EPM2A: variants seen among roughly 807,000 people sequenced by gnomAD.
EPM2A encodes EPM2A glucan phosphatase, laforin.
In EPM2A, 21 loss-of-function variants were observed where a neutral mutation model predicts 26.5. The ratio of observed to expected loss-of-function variants is 0.79; its 90% CI spans 0.56 to 1.14. EPM2A has a LOEUF of 1.14. Ranked by LOEUF, EPM2A falls within the 50% of genes most tolerant of loss-of-function variation. EPM2A has a pLI of 0.00. For missense variants in EPM2A, 458 were observed against 440.8 expected, an observed-to-expected ratio of 1.04 and a Z score of -0.35; for synonymous variants, 217 against 177.6, an observed-to-expected ratio of 1.22 and a Z score of -1.76.
At chr6:145,417,509 T>C (rs1310442814) in intron 4 of EPM2A, among the ~76,000 whole-genome samples, 1 of 152,136 alleles carries the variant, frequency 6.6e-6, no homozygotes, top group African/African-American at 2.4e-5. Flanking sequence ...AGTGCATTAA[T>C]ATATGCAGGC....
chr6:145,666,116 G>T, intron 2 of EPM2A, among the ~76,000 whole-genome samples: 1 of 147,104 alleles, frequency 6.8e-6, no homozygotes, highest in African/African-American at 2.6e-5. Context: ...AGACAGGGAT[G>T]CCCTCTCTCA....
intron 2 of EPM2A, among the ~76,000 whole-genome samples, chr6:145,681,860 G>T (rs1020979559): frequency 6.6e-6 from 1 of 152,052 alleles, no homozygotes; most frequent in Non-Finnish European, 1.5e-5. Context: ...ATGTTCTCTA[G>T]GTTGCCATAT....
At chr6:145,610,459 A>C in intron 2 of EPM2A, among the ~76,000 whole-genome samples, 1 of 152,230 alleles carries the variant, frequency 6.6e-6, no homozygotes. Context: ...TCAAATATTG[A>C]AAGACTCTTA....
At chr6:145,516,857 A>C (rs1458315127) in intron 2 of EPM2A, among the ~76,000 whole-genome samples, 1 of 152,210 alleles carries the variant, frequency 6.6e-6, no homozygotes, top group Non-Finnish European at 1.5e-5. Flanking sequence ...ATTTATCCAA[A>C]AGAATTGAAA....
chr6:145,573,126 C>T (rs1262706983), intron 2 of EPM2A, among the ~76,000 whole-genome samples: 2 of 152,206 alleles, frequency 1.3e-5, no homozygotes, highest in South Asian at 2.1e-4. Context: ...GTGTTTGCTA[C>T]TTCTTGCTCA....
At position 145,466,308 on chromosome 6, in the gene EPM2A, C is replaced by A. The variant is rs894688765; in HGVS notation, c.555+36214G>T. Reference sequence around the variant, plus strand: ...AACAAATTTACAAGAAAAAAACAAACAACCCCATCAAAAAGTGGGCAAAGG... The same window carrying A: ...AACAAATTTACAAGAAAAAAACAAAAAACCCCATCAAAAAGTGGGCAAAGG... On this transcript the variant is annotated intron_variant, in intron 4 of 4. Transcript: ENST00000638717. Among the ~76,000 whole-genome samples, 137 of 151,876 alleles carry A rather than the reference C, an allele frequency of 9.0e-4. 1 individual carries two copies. The highest frequency in any genetic ancestry group is 1.7e-3 in the Non-Finnish European group (113 of 67,882).
intron 4 of EPM2A, among the ~76,000 whole-genome samples, chr6:145,493,938 A>T (rs1201161093): frequency 6.6e-6 from 1 of 152,054 alleles, no homozygotes; most frequent in Admixed American, 6.5e-5. Context: ...TATTGTCCTG[A>T]GGTTTTCTTT....
intron 2 of EPM2A, among the ~76,000 whole-genome samples, chr6:145,575,946 C>T (rs1304622252): frequency 6.6e-6 from 1 of 152,194 alleles, no homozygotes; most frequent in Non-Finnish European, 1.5e-5. Context: ...AGTGATTATC[C>T]TGCCTCAGCC....
intron 2 of EPM2A, among the ~76,000 whole-genome samples, chr6:145,592,597 CA>C (rs199887771): frequency 0.016 from 2,442 of 152,228 alleles, 82 homozygotes; most frequent in African/African-American, 0.056. Flanking sequence ...GTCCCACCAA[CA>C]AGTGTAAAAG....
chr6:145,663,560 G>A (rs555299357), intron 2 of EPM2A, among the ~76,000 whole-genome samples: 29 of 152,174 alleles, frequency 1.9e-4, no homozygotes, highest in Non-Finnish European at 2.6e-4. Context: ...AAAGTGATGC[G>A]GAGAATAGAA....
intron 2 of EPM2A, among the ~76,000 whole-genome samples, chr6:145,555,975 C>T (rs541336520): frequency 4.6e-5 from 7 of 152,134 alleles, no homozygotes; most frequent in African/African-American, 1.7e-4. Flanking sequence ...AATTAAGACA[C>T]ACATTAACCT....
At chr6:145,680,891 C>A (rs528828910) in intron 2 of EPM2A, among the ~76,000 whole-genome samples, 23 of 151,838 alleles carry the variant, frequency 1.5e-4, no homozygotes, top group South Asian at 6.3e-4. Context: ...ATTTATAGTC[C>A]TTTGGGTATA....
chr6:145,524,099 T>C (rs557392426), intron 2 of EPM2A, among the ~76,000 whole-genome samples: 1 of 152,344 alleles, frequency 6.6e-6, no homozygotes, highest in East Asian at 1.9e-4. Context: ...GCTACACCCA[T>C]GTTGCTGCAA....
intron 4 of EPM2A, among the ~76,000 whole-genome samples, chr6:145,437,346 A>T (rs1045425789): frequency 6.6e-6 from 1 of 152,192 alleles, no homozygotes; most frequent in Non-Finnish European, 1.5e-5. Context: ...GAGTTGGTTA[A>T]ACCTCTGTTC....
intron 2 of EPM2A, chr6:145,636,210 C>T (rs1582937256): frequency 2.0e-5 from 3 of 152,254 alleles, no homozygotes; most frequent in South Asian, 2.1e-4. Context: ...ACATAAAACA[C>T]GCTTATCTGG....
At chr6:145,557,189 A>T (rs78851878) in intron 2 of EPM2A, among the ~76,000 whole-genome samples, 1 of 152,246 alleles carries the variant, frequency 6.6e-6, no homozygotes, top group African/African-American at 2.4e-5. Context: ...TAACTTCTCA[A>T]TTCACTTTCT....
intron 2 of EPM2A, among the ~76,000 whole-genome samples, chr6:145,574,709 C>T (rs1007408779): frequency 3.9e-5 from 6 of 152,222 alleles, no homozygotes; most frequent in Admixed American, 1.3e-4. Context: ...ATTTCCATCT[C>T]ACTCACAGTG....
chr6:145,399,510 A>G (rs964033799), intron 4 of EPM2A, among the ~76,000 whole-genome samples: 1 of 152,218 alleles, frequency 6.6e-6, no homozygotes, highest in African/African-American at 2.4e-5. Flanking sequence ...TGTGTGTAGT[A>G]GTTCCTGGTT....
chr6:145,694,109 A>C (rs531355922), intron 1 of EPM2A, among the ~76,000 whole-genome samples: 1 of 152,078 alleles, frequency 6.6e-6, no homozygotes, highest in Non-Finnish European at 1.5e-5. Flanking sequence ...CTTAAGCAAA[A>C]TAAATTTTAC....
Sources: gnomAD v4.1 joint callset for allele counts (sites outside exome capture counted in the v4.1 genomes callset) on GRCh38, gnomAD v4.1.1 for gene constraint, MANE v1.5 for transcripts, NCBI Gene and HGNC (gene_info 2026-07-23, HGNC 2026-07-21) for gene names.